The following STXBP5 variants were observed in gnomAD, a reference collection of about 807,000 sequenced individuals.
STXBP5 encodes syntaxin binding protein 5.
In STXBP5, 50 loss-of-function variants were observed where a neutral mutation model predicts 152.4. The ratio of observed to expected loss-of-function variants is 0.33; its 90% CI spans 0.26 to 0.42. The LOEUF (loss-of-function observed/expected upper bound fraction) is 0.42. Among genes scored for constraint, STXBP5 ranks in the 10% least tolerant of loss-of-function variants. The probability of loss-of-function intolerance (pLI) is 1.00; values close to 1 mark genes in which losing one functional copy is unlikely to be tolerated. For missense variants in STXBP5, 1,167 were observed against 1,388.6 expected, an observed-to-expected ratio of 0.84 and a Z score of 2.54; for synonymous variants, 492 against 494.7, an observed-to-expected ratio of 0.99 and a Z score of 0.07.
At position 147,204,481 on chromosome 6, in the gene STXBP5, G is replaced by A. The variant is rs1424971692; in HGVS notation, c.-52G>A. On this transcript the variant is annotated 5_prime_UTR_variant, in exon 1 of 28. Transcript: ENST00000321680. The surrounding 1 kb of genome is among the most constrained non-coding windows in gnomAD (Gnocchi z 4.3). ...CGGCCCCGGGTGGTCTCCCCCGCCC[G>A]GGGACCCCCTGTGCCTCCCCTCCCG... 1.9e-6 allele frequency: 3 copies of A among 1,586,908 alleles called. No homozygotes were observed. Among genetic ancestry groups the A allele is most frequent in the Admixed American group, 1.8e-5 (1 of 56,650 alleles).
At chr6:147,313,035 G>GTTGCT (rs1202991722) in intron 11 of STXBP5, among the ~76,000 whole-genome samples, 7 of 152,288 alleles carry the variant, frequency 4.6e-5, no homozygotes, top group African/African-American at 1.4e-4. Context: ...AGAGAAGAAA[G>GTTGCT]TTGCTTGCCG....
At chr6:147,297,374 G>A (rs551528249) in intron 9 of STXBP5, among the ~76,000 whole-genome samples, 11 of 152,046 alleles carry the variant, frequency 7.2e-5, no homozygotes, top group Non-Finnish European at 1.3e-4. Context: ...AGAAATGAAC[G>A]TGAAATAAAC....
intron 2 of STXBP5, among the ~76,000 whole-genome samples, chr6:147,229,822 T>A (rs1202247308): frequency 6.6e-6 from 1 of 151,956 alleles, no homozygotes; most frequent in Non-Finnish European, 1.5e-5. Context: ...TAGTTCTACT[T>A]TTTTTCTTTC....
intron 25 of STXBP5, among the ~76,000 whole-genome samples, chr6:147,373,041 T>C (rs1425477697): frequency 2.0e-5 from 3 of 152,126 alleles, no homozygotes; most frequent in Non-Finnish European, 4.4e-5. Flanking sequence ...ATATCATCAT[T>C]ATTACACTGG....
chr6:147,281,550 C>G (rs1320822871), intron 8 of STXBP5, among the ~76,000 whole-genome samples: 1 of 152,146 alleles, frequency 6.6e-6, no homozygotes, highest in Non-Finnish European at 1.5e-5. Flanking sequence ...AATTTCTAGC[C>G]AAACAGTTAT....
At chr6:147,324,549 C>T (rs993951022) in intron 16 of STXBP5, among the ~76,000 whole-genome samples, 5 of 151,844 alleles carry the variant, frequency 3.3e-5, no homozygotes, top group African/African-American at 1.2e-4. Context: ...GGATTACAGG[C>T]GTGAGCCACT....
chr6:147,216,491 T>C (rs1421869573), intron 2 of STXBP5, among the ~76,000 whole-genome samples: 1 of 152,206 alleles, frequency 6.6e-6, no homozygotes, highest in Non-Finnish European at 1.5e-5. Flanking sequence ...ATGCCTCTTG[T>C]TGGAAAGAAC....
rs1218152855 is a variant in STXBP5 at position 147,386,634 on chromosome 6, G to T, written c.*1879G>T. ...TATTTCTGTTTCGTTAATGTCAGCT[G>T]CCTGAACATTCAGCAGTTTATAAAT... On this transcript the variant is annotated 3_prime_UTR_variant, in exon 28 of 28. Coordinates refer to ENST00000321680, the MANE Select transcript of STXBP5 (RefSeq NM_001127715.4). 1.3e-5 allele frequency: 2 copies of T among 151,770 alleles called. No individual in the cohort carries two copies. The highest frequency in any genetic ancestry group is 6.6e-5 in the Admixed American group (1 of 15,208). The allele number at this position is 151,770 out of a possible 1,614,324, so 9.4% of individuals were successfully genotyped here. A position where few individuals can be genotyped will look rare whatever the true frequency, so the allele number is the denominator to read the frequency against.
In STXBP5 at chr6:147,353,474, G is replaced by A. The variant is rs1784680938; in HGVS notation, c.2305+101G>A. 1.0e-5 allele frequency: 7 copies of A among 686,334 alleles called. No homozygotes were observed. In the South Asian group the frequency reaches 1.6e-4, roughly 16 times the overall value. 42.5% of individuals were successfully genotyped at this position (686,334 alleles called of 1,614,324 possible). On this transcript the variant is annotated intron_variant, in intron 22 of 27. Transcript: ENST00000321680. Reference sequence around the variant, plus strand: ...CTGTAAGATAGTCATTGGAAAGCAAGTTTAAAATGACTAAGATGCTTAAGG... The same window carrying A: ...CTGTAAGATAGTCATTGGAAAGCAAATTTAAAATGACTAAGATGCTTAAGG...
intron 18 of STXBP5, among the ~76,000 whole-genome samples, chr6:147,333,485 C>G (rs530195096): frequency 1.3e-3 from 194 of 152,330 alleles, no homozygotes; most frequent in Non-Finnish European, 2.1e-3. Context: ...AATTGCACCA[C>G]TGCACTCCAG....
chr6:147,235,474 G>A (rs535822861), intron 3 of STXBP5, 143 bp downstream of exon 3: 8 of 659,258 alleles, frequency 1.2e-5, no homozygotes, highest in African/African-American at 5.5e-5. Flanking sequence ...GTAGTAATTC[G>A]TTTTAAGGTA....
In STXBP5 at chr6:147,390,026, C is replaced by G. The variant is rs920425840; in HGVS notation, c.*5271C>G. On this transcript the variant is annotated 3_prime_UTR_variant, in exon 28 of 28. Transcript: ENST00000321680. ...ATTGTCCACTTCAGGGGCAAGCATG[C>G]TTGGTATAGAGCTCTAGCTTGTGTA... is the stretch of plus-strand genomic sequence containing the variant. The G allele has an allele frequency of 2.0e-5, 3 of 151,910 alleles. No homozygotes were observed. The highest frequency in any genetic ancestry group is 4.4e-5 in the Non-Finnish European group (3 of 67,896). 9.4% of individuals were successfully genotyped at this position (151,910 alleles called of 1,614,324 possible).
intron 21 of STXBP5, among the ~76,000 whole-genome samples, chr6:147,344,458 CA>C (rs1323181285): frequency 6.6e-6 from 1 of 152,186 alleles, no homozygotes; most frequent in African/African-American, 2.4e-5. Flanking sequence ...ACAGCCACCA[CA>C]AAATACCACA....
chr6:147,301,032 A>T (rs750797539), intron 9 of STXBP5, among the ~76,000 whole-genome samples: 1 of 152,094 alleles, frequency 6.6e-6, no homozygotes, highest in African/African-American at 2.4e-5. Context: ...ACAAATGACC[A>T]ATCAGGCATA....
intron 4 of STXBP5, among the ~76,000 whole-genome samples, chr6:147,240,144 G>A (rs1052753625): frequency 3.3e-5 from 5 of 152,064 alleles, no homozygotes; most frequent in African/African-American, 9.7e-5. Flanking sequence ...GTTTCGCCAT[G>A]TTGGCCAGGC....
At chr6:147,352,183 G>A (rs571005350) in intron 21 of STXBP5, among the ~76,000 whole-genome samples, 5 of 152,254 alleles carry the variant, frequency 3.3e-5, no homozygotes, top group African/African-American at 7.2e-5. Flanking sequence ...TGTAAATACC[G>A]TAGTTTTAGA....
At chr6:147,332,755 T>C (rs1223911944) in intron 18 of STXBP5, among the ~76,000 whole-genome samples, 2 of 152,216 alleles carry the variant, frequency 1.3e-5, no homozygotes, top group African/African-American at 4.8e-5. Flanking sequence ...TTTTAGCTTA[T>C]TTAACAGTTG....
At chr6:147,323,371 A>G (rs1383417193) in intron 16 of STXBP5, among the ~76,000 whole-genome samples, 1 of 151,020 alleles carries the variant, frequency 6.6e-6, no homozygotes, top group Non-Finnish European at 1.5e-5. Context: ...ATTTCTTATC[A>G]ACCTTCATTG....
At chr6:147,267,061 T>G in intron 6 of STXBP5, 23 bp from the exon 7 acceptor site, 1 of 1,579,626 alleles carries the variant, frequency 6.3e-7, no homozygotes, top group Non-Finnish European at 8.7e-7. Flanking sequence ...TCCTAGGTAA[T>G]GTGCCTTTTT....
Sources: allele counts gnomAD v4.1 joint callset (sites outside exome capture counted in the v4.1 genomes callset), GRCh38; gene constraint gnomAD v4.1.1; non-coding constraint Gnocchi (gnomAD v3.1); transcripts MANE v1.5; gene names NCBI Gene and HGNC (gene_info 2026-07-23, HGNC 2026-07-21).